Variants in NT5C3A observed in about 807,000 individuals in gnomAD.
NT5C3A encodes 5'-nucleotidase, cytosolic IIIA.
In NT5C3A, 23 loss-of-function variants were observed where a neutral mutation model predicts 40.0. The observed-to-expected ratio is 0.58, with a 90% CI of 0.41 to 0.81. NT5C3A has a LOEUF of 0.81. Among genes scored for constraint, NT5C3A ranks in the 40% least tolerant of loss-of-function variants. The probability of loss-of-function intolerance (pLI) is 0.00; values close to 1 mark genes in which losing one functional copy is unlikely to be tolerated. For synonymous variants in NT5C3A, 130 were observed against 141.4 expected, an observed-to-expected ratio of 0.92 and a Z score of 0.57; for missense variants, 328 against 403.0, an observed-to-expected ratio of 0.81 and a Z score of 1.59.
intron 8 of NT5C3A, 56 bp from the exon 9 acceptor site, chr7:33,014,887 T>C (rs1229987329): frequency 6.9e-7 from 1 of 1,441,120 alleles, no homozygotes; most frequent in East Asian, 2.3e-5. Context: ...AACAAATAAT[T>C]TCAGTATGAA....
At chr7:33,061,296 G>T (rs2128022648) in intron 1 of NT5C3A, among the ~76,000 whole-genome samples, 2 of 152,334 alleles carry the variant, frequency 1.3e-5, no homozygotes, top group South Asian at 2.1e-4. Context: ...TGGGACAAAT[G>T]AATTTTAATA....
intron 1 of NT5C3A, among the ~76,000 whole-genome samples, chr7:33,049,057 T>A (rs1191658928): frequency 4.6e-5 from 7 of 152,242 alleles, no homozygotes; most frequent in Non-Finnish European, 8.8e-5. Context: ...TACAACTTTA[T>A]GTATATCATC....
In NT5C3A at chr7:33,022,104, A is replaced by G. The variant is rs1294262883; in HGVS notation, c.308-5T>C. ...GCTTACAGTTGTCAATGATATCTAA[A>G]GATAGAAAGCAAAATAAGCATTAAA... On this transcript the variant is annotated splice_region_variant and splice_polypyrimidine_tract_variant and intron_variant, in intron 3 of 8. Transcript: ENST00000610140. The G allele has an allele frequency of 2.1e-6, 3 of 1,448,554 alleles. No individual in the cohort carries two copies. The African/African-American group carries it at 4.2e-5, about 20-fold the overall frequency. 89.7% of individuals were successfully genotyped at this position (1,448,554 alleles called of 1,614,324 possible).
intron 6 of NT5C3A, 26 bp downstream of exon 6, chr7:33,019,609 C>G (rs199520409): frequency 3.7e-6 from 5 of 1,345,590 alleles, no homozygotes. Flanking sequence ...TGAACAATAA[C>G]AGCAAAAAAC....
At chr7:33,040,234 A>G (rs1786847870) in intron 1 of NT5C3A, among the ~76,000 whole-genome samples, 1 of 152,202 alleles carries the variant, frequency 6.6e-6, no homozygotes, top group South Asian at 2.1e-4. Flanking sequence ...AAGGAAAAAA[A>G]AACCTATAAA....
intron 1 of NT5C3A, among the ~76,000 whole-genome samples, chr7:33,034,043 A>G (rs1375586354): frequency 4.0e-5 from 6 of 151,498 alleles, no homozygotes; most frequent in Non-Finnish European, 2.9e-5. Flanking sequence ...GGTGCCCGCC[A>G]CCACGCCTGG....
At chr7:33,036,170 C>G (rs1192903177) in intron 1 of NT5C3A, 1 of 607,292 alleles carries the variant, frequency 1.6e-6, no homozygotes, top group East Asian at 2.9e-5. Context: ...TGGTTTCTTT[C>G]ATTGGGTGGA....
At chr7:33,059,832 T>C (rs1158062445) in intron 1 of NT5C3A, among the ~76,000 whole-genome samples, 1 of 152,256 alleles carries the variant, frequency 6.6e-6, no homozygotes, top group East Asian at 1.9e-4. Context: ...GCTAGTGCCA[T>C]AGTTTAAGAT....
chr7:33,028,399 T>C (rs1786065796), intron 1 of NT5C3A, among the ~76,000 whole-genome samples: 1 of 152,186 alleles, frequency 6.6e-6, no homozygotes. Context: ...AGAGGAAAAA[T>C]CAGTACAAGC....
At chr7:33,038,788 C>T in intron 1 of NT5C3A, 1 of 454,260 alleles carries the variant, frequency 2.2e-6, no homozygotes, top group South Asian at 1.6e-5. Flanking sequence ...GCTTGTAAAC[C>T]TATACCTGGT....
rs1785615918 is a variant in NT5C3A, at chr7:33,021,293, T to A, written c.419A>T (p.Lys140Met). The A allele has an allele frequency of 1.2e-6, 2 of 1,612,470 alleles. No individual in the cohort carries two copies. The highest frequency in any genetic ancestry group is 1.7e-6 in the Non-Finnish European group (2 of 1,178,964). The part of the protein sequence containing the change: ...EVDPVLTVEE[K>M]YPYMVEWYTK... ...TTACCATTCCACCATATAAGGGTAC[T>A]TCTCTTCTACAGTAAGAACAGGATC... The change falls in exon 5 of 9, where the codon AAG (lysine) becomes ATG (methionine). Residue 140 changes from lysine to methionine, a missense_variant. By Grantham distance (95) the Lys-to-Met change is moderately conservative. Coordinates refer to ENST00000610140, the MANE Select transcript of NT5C3A (RefSeq NM_001002010.5).
chr7:33,031,024 C>T (rs528843981), intron 1 of NT5C3A, among the ~76,000 whole-genome samples: 18 of 148,088 alleles, frequency 1.2e-4, no homozygotes, highest in South Asian at 6.5e-4. Flanking sequence ...GCATGAACCC[C>T]GGGGGGCGGA....
At chr7:33,018,214 T>C (rs913263193) in intron 6 of NT5C3A, among the ~76,000 whole-genome samples, 2 of 152,336 alleles carry the variant, frequency 1.3e-5, no homozygotes, top group African/African-American at 4.8e-5. Context: ...TTTAAAATTA[T>C]GAAGAATGAC....
At chr7:33,037,928 T>C (rs892166791) in intron 1 of NT5C3A, among the ~76,000 whole-genome samples, 1 of 152,182 alleles carries the variant, frequency 6.6e-6, no homozygotes, top group African/African-American at 2.4e-5. Context: ...TAGATGATTA[T>C]AGTCAAGTTT....
At chr7:33,053,183 G>GT (rs1158557740) in intron 1 of NT5C3A, among the ~76,000 whole-genome samples, 1 of 152,030 alleles carries the variant, frequency 6.6e-6, no homozygotes, top group African/African-American at 2.4e-5. Flanking sequence ...GACACTGTCT[G>GT]TTTTTGTTTT....
intron 1 of NT5C3A, chr7:33,040,981 G>T: frequency 1.0e-6 from 1 of 985,418 alleles, no homozygotes; most frequent in Non-Finnish European, 1.2e-6. Context: ...CCTTGACTAA[G>T]CCCTATGCAA....
intron 1 of NT5C3A, among the ~76,000 whole-genome samples, chr7:33,045,404 A>C (rs556827049): frequency 7.9e-4 from 120 of 152,358 alleles, no homozygotes; most frequent in African/African-American, 2.5e-3. Context: ...TAAGGAGCAG[A>C]AAACAGAGAT....
chr7:33,039,337 T>C (rs953792505), intron 1 of NT5C3A, among the ~76,000 whole-genome samples: 5 of 152,128 alleles, frequency 3.3e-5, no homozygotes, highest in Non-Finnish European at 5.9e-5. Context: ...TTCATGAATA[T>C]AGCTTTAAAA....
At chr7:33,060,702 A>G (rs1472828680) in intron 1 of NT5C3A, among the ~76,000 whole-genome samples, 1 of 152,218 alleles carries the variant, frequency 6.6e-6, no homozygotes, top group South Asian at 2.1e-4. Flanking sequence ...GTTGGACATC[A>G]TGGGTTTGCA....
Sources: allele counts gnomAD v4.1 joint callset (sites outside exome capture counted in the v4.1 genomes callset), GRCh38; gene constraint gnomAD v4.1.1; transcripts MANE v1.5; gene names NCBI Gene and HGNC (gene_info 2026-07-23, HGNC 2026-07-21).